Variants in PPA2 observed in about 807,000 individuals in gnomAD.
PPA2 encodes the protein inorganic pyrophosphatase 2, also known as inorganic pyrophosphatase 2, mitochondrial.
Under a neutral mutation model 49.5 loss-of-function variants are expected in PPA2, and 48 were observed. That is an observed-to-expected ratio of 0.97 (90% CI 0.77 to 1.23). The LOEUF (loss-of-function observed/expected upper bound fraction) is 1.23, where lower values mean the gene tolerates loss of function less well. Among genes scored for constraint, PPA2 ranks in the 50% most tolerant of loss-of-function variants. The probability of loss-of-function intolerance (pLI) is 0.00; values close to 1 mark genes in which losing one functional copy is unlikely to be tolerated. For synonymous variants in PPA2, 131 were observed against 139.9 expected, an observed-to-expected ratio of 0.94 and a Z score of 0.45; for missense variants, 429 against 410.1, an observed-to-expected ratio of 1.05 and a Z score of -0.40.
chr4:105,394,030 T>C (rs1388773852), intron 9 of PPA2, among the ~76,000 whole-genome samples: 1 of 152,018 alleles, frequency 6.6e-6, no homozygotes, highest in African/African-American at 2.4e-5. Context: ...AGTTATTTTG[T>C]TATAAAAAAT....
At chr4:105,391,834 C>G (rs959612363) in intron 9 of PPA2, among the ~76,000 whole-genome samples, 1 of 151,696 alleles carries the variant, frequency 6.6e-6, no homozygotes, top group Admixed American at 6.6e-5. Flanking sequence ...ATAATTCTGG[C>G]AGTATTGTAT....
chr4:105,464,780 C>A (rs1723234905), intron 1 of PPA2, among the ~76,000 whole-genome samples: 1 of 152,178 alleles, frequency 6.6e-6, no homozygotes, highest in Non-Finnish European at 1.5e-5. Context: ...GATTGTGAGG[C>A]CTCCCCAGCC....
rs575896250 is a variant in PPA2, at chr4:105,450,601, C to CTTTTTTTTTTTTTTTTTTTTTTTTTT, written c.268-1199_268-1198insAAAAAAAAAAAAAAAAAAAAAAAAAA. On this transcript the variant is annotated intron_variant, in intron 3 of 11. Coordinates refer to ENST00000341695, the MANE Select transcript of PPA2 (RefSeq NM_176869.3). ...ATGCTGGCCAGGCTGGTCTGGAATT[C>CTTTTTTTTTTTTTTTTTTTTTTTTTT]TTTTTTTTTTTTTTTTTTTTTTTTG... 3.6e-5 allele frequency among the ~76,000 whole-genome samples: 3 copies of CTTTTTTTTTTTTTTTTTTTTTTTTTT among 82,664 alleles called. 1 individual carries two copies. Among genetic ancestry groups the CTTTTTTTTTTTTTTTTTTTTTTTTTT allele is most frequent in the Admixed American group, 1.6e-4 (1 of 6,220 alleles). The allele number at this position is 82,664 out of a possible 152,430, so 54.2% of individuals were successfully genotyped here.
At chr4:105,420,033 C>T (rs1723185228) in intron 7 of PPA2, among the ~76,000 whole-genome samples, 1 of 151,268 alleles carries the variant, frequency 6.6e-6, no homozygotes, top group South Asian at 2.1e-4. Context: ...AGTGCAATGG[C>T]GTGTTCTTGG....
chr4:105,412,196 T>C (rs1430057128), intron 7 of PPA2, among the ~76,000 whole-genome samples: 1 of 152,130 alleles, frequency 6.6e-6, no homozygotes, highest in East Asian at 1.9e-4. Context: ...CAAACTATAC[T>C]ACAAGGCTAC....
At chr4:105,454,302 C>CTGT (rs111229489) in intron 2 of PPA2, among the ~76,000 whole-genome samples, 7,085 of 146,346 alleles carry the variant, frequency 0.048, 192 homozygotes, top group Non-Finnish European at 0.073. Flanking sequence ...TTTGCTGCTG[C>CTGT]TGTTGTTGTT....
intron 10 of PPA2, among the ~76,000 whole-genome samples, chr4:105,385,975 G>A (rs1733664041): frequency 6.6e-6 from 1 of 150,932 alleles, no homozygotes; most frequent in Admixed American, 6.6e-5. Context: ...TGCCTCCCAG[G>A]TTCAAGTGAT....
In PPA2 at chr4:105,426,134, T is replaced by C. The variant is rs149102746; in HGVS notation, c.529-1812A>G. On this transcript the variant is annotated intron_variant, in intron 6 of 11. Transcript: ENST00000341695. Reference sequence around the variant, plus strand: ...ACTCACCATATACTTAAAATGAGTATATTCTATTGTAATATATGTTTTATA... The same window carrying C: ...ACTCACCATATACTTAAAATGAGTACATTCTATTGTAATATATGTTTTATA... Among the ~76,000 whole-genome samples, 720 of 152,314 alleles carry C rather than the reference T, an allele frequency of 4.7e-3. 24 individuals carry two copies. The highest frequency in any genetic ancestry group is 0.037 in the Admixed American group (562 of 15,300).
At chr4:105,469,865 A>T (rs1723450714) in intron 1 of PPA2, among the ~76,000 whole-genome samples, 1 of 152,248 alleles carries the variant, frequency 6.6e-6, no homozygotes, top group Non-Finnish European at 1.5e-5. Flanking sequence ...TGGATTATTC[A>T]CGGGAAGTTC....
At chr4:105,436,197 T>C (rs1170629901) in intron 6 of PPA2, among the ~76,000 whole-genome samples, 2 of 151,736 alleles carry the variant, frequency 1.3e-5, no homozygotes, top group African/African-American at 4.8e-5. Context: ...AAAAATCTCA[T>C]TTGCAACAGC....
chr4:105,437,837 G>T (rs932984359), intron 6 of PPA2, 113 bp downstream of exon 6: 4 of 737,328 alleles, frequency 5.4e-6, no homozygotes, highest in Admixed American at 3.2e-5. Context: ...TGATAACAGA[G>T]AAATCAATAG....
At chr4:105,438,374 T>G (rs1724167990) in intron 5 of PPA2, among the ~76,000 whole-genome samples, 1 of 152,214 alleles carries the variant, frequency 6.6e-6, no homozygotes, top group Non-Finnish European at 1.5e-5. Flanking sequence ...GTGCCCTTGT[T>G]TCTGTGTTTC....
intron 10 of PPA2, among the ~76,000 whole-genome samples, chr4:105,375,365 A>G (rs1374388146): frequency 6.6e-6 from 1 of 150,610 alleles, no homozygotes; most frequent in African/African-American, 2.4e-5. Context: ...TTCTAATCAG[A>G]CCCTGATTTA....
intron 5 of PPA2, among the ~76,000 whole-genome samples, chr4:105,444,939 GT>G (rs964253149): frequency 2.2e-4 from 33 of 152,068 alleles, no homozygotes; most frequent in African/African-American, 7.0e-4. Flanking sequence ...GATATTTTAT[GT>G]TCTCCATTTT....
intron 1 of PPA2, among the ~76,000 whole-genome samples, chr4:105,467,200 A>T (rs1407863318): frequency 6.6e-6 from 1 of 152,230 alleles, no homozygotes; most frequent in Non-Finnish European, 1.5e-5. Flanking sequence ...CTGTAACAGA[A>T]GGAGTAATAT....
chr4:105,410,962 G>T (rs1406514246), intron 7 of PPA2, among the ~76,000 whole-genome samples: 1 of 152,172 alleles, frequency 6.6e-6, no homozygotes, highest in African/African-American at 2.4e-5. Flanking sequence ...GCAAAAACAT[G>T]CCAAATGGTA....
Position 105,386,634 on chromosome 4 carries a change from G to T in PPA2, c.872C>A (p.Thr291Lys), listed in dbSNP as rs141321054. Reference protein sequence around the residue: ...KKCNGGAINCTNVQISDSPFR... With the variant: ...KKCNGGAINCKNVQISDSPFR... The stretch of plus-strand genomic sequence containing the variant: ...AGGGCTATCAGATATCTGCACGTTT[G>T]TGCTGGAGAGGAAAAGAGAATGTTA... Residue 291 changes from threonine to lysine, a missense_variant and splice_region_variant, in exon 10 of 12, where the codon ACA (threonine) becomes AAA (lysine). Coordinates refer to ENST00000341695, the MANE Select transcript of PPA2 (RefSeq NM_176869.3). 1.9e-6 allele frequency: 3 copies of T among 1,611,366 alleles called. No individual in the cohort carries two copies. The highest frequency in any genetic ancestry group is 2.2e-5 in the East Asian group (1 of 44,756).
chr4:105,465,508 G>GT lies in PPA2; in HGVS notation c.157+8385dup, dbSNP rs561617969. 2.4e-3 allele frequency among the ~76,000 whole-genome samples: 368 copies of GT among 151,820 alleles called. 4 individuals carry two copies. Among genetic ancestry groups the GT allele is most frequent in the Non-Finnish European group, 7.5e-4 (51 of 67,896 alleles). On this transcript the variant is annotated intron_variant, in intron 1 of 11. Coordinates refer to ENST00000341695, the MANE Select transcript of PPA2 (RefSeq NM_176869.3). ...CATTTTCTGGATCCCATGCATTCAC[G>GT]TTTTTTTGGTTTACTTGTCTTGCAG...
intron 1 of PPA2, among the ~76,000 whole-genome samples, chr4:105,472,974 A>G (rs1723587822): frequency 6.6e-6 from 1 of 152,198 alleles, no homozygotes; most frequent in South Asian, 2.1e-4. Context: ...CAGAGTTAAG[A>G]CGTGAAGAAC....
Sources: gnomAD v4.1 joint callset for allele counts (sites outside exome capture counted in the v4.1 genomes callset) on GRCh38, gnomAD v4.1.1 for gene constraint, MANE v1.5 for transcripts, NCBI Gene and HGNC (gene_info 2026-07-23, HGNC 2026-07-21) for gene names.